Variants in CMIP observed in about 807,000 individuals in gnomAD.
CMIP encodes c-Maf inducing protein.
Under a neutral mutation model 97.3 loss-of-function variants are expected in CMIP, and 13 were observed. That is an observed-to-expected ratio of 0.13 (90% CI 0.09 to 0.21). The LOEUF (loss-of-function observed/expected upper bound fraction) is 0.21, where lower values mean the gene tolerates loss of function less well. Among genes scored for constraint, CMIP ranks in the 10% least tolerant of loss-of-function variants. CMIP has a pLI of 1.00. For missense variants in CMIP, 847 were observed against 1,024.9 expected, an observed-to-expected ratio of 0.83 and a Z score of 2.37; for synonymous variants, 538 against 436.3, an observed-to-expected ratio of 1.23 and a Z score of -2.91.
At chr16:81,631,878 G>T (rs540461711) in intron 3 of CMIP, 2 of 152,332 alleles carry the variant, frequency 1.3e-5, no homozygotes, top group East Asian at 3.9e-4. Flanking sequence ...TTGCAAAGTG[G>T]TTGCACCAGT....
At chr16:81,612,408 C>T (rs1186272064) in intron 2 of CMIP, among the ~76,000 whole-genome samples, 1 of 152,140 alleles carries the variant, frequency 6.6e-6, no homozygotes, top group African/African-American at 2.4e-5. Flanking sequence ...ACTGTTTACC[C>T]CAAACATTGG....
At chr16:81,604,388 C>T (rs1442226796) in intron 1 of CMIP, among the ~76,000 whole-genome samples, 1 of 125,526 alleles carries the variant, frequency 8.0e-6, no homozygotes, top group Admixed American at 8.9e-5. Context: ...AAGAGCAAAA[C>T]TCTGTCTCAA....
chr16:81,547,582 G>C (rs1475968466), intron 1 of CMIP, among the ~76,000 whole-genome samples: 3 of 151,852 alleles, frequency 2.0e-5, no homozygotes, highest in Non-Finnish European at 4.4e-5. Context: ...AGGCAAAAGC[G>C]AGGGTTTGCA....
At chr16:81,554,444 A>G (rs1176271763) in intron 1 of CMIP, among the ~76,000 whole-genome samples, 1 of 152,204 alleles carries the variant, frequency 6.6e-6, no homozygotes, top group Non-Finnish European at 1.5e-5. Flanking sequence ...CCTGGCAGAC[A>G]TCAATAATCA....
chr16:81,532,978 G>A (rs1395867960), intron 1 of CMIP, among the ~76,000 whole-genome samples: 2 of 152,092 alleles, frequency 1.3e-5, no homozygotes, highest in African/African-American at 4.8e-5. Flanking sequence ...CTCTGCCTGG[G>A]ATGCCTGTTG....
intron 20 of CMIP, among the ~76,000 whole-genome samples, chr16:81,708,478 G>A (rs1455331889): frequency 6.6e-6 from 1 of 152,244 alleles, no homozygotes; most frequent in Non-Finnish European, 1.5e-5. Context: ...GGGGAGTGCA[G>A]GAAAGGCCCC....
intron 3 of CMIP, among the ~76,000 whole-genome samples, chr16:81,629,756 C>A (rs981873093): frequency 6.6e-6 from 1 of 152,234 alleles, no homozygotes; most frequent in Admixed American, 6.5e-5. Flanking sequence ...TGCCACAGCG[C>A]CCAAGGGAGG....
At chr16:81,707,355 C>T (rs1401934448) in intron 20 of CMIP, among the ~76,000 whole-genome samples, 1 of 152,160 alleles carries the variant, frequency 6.6e-6, no homozygotes, top group Non-Finnish European at 1.5e-5. Flanking sequence ...CATAAGAAGC[C>T]AGAAATACCA....
rs2091874319 is a variant in CMIP, at chr16:81,614,089, G to A, written c.426+6397G>A. Among the ~76,000 whole-genome samples, 1 of 152,302 alleles carries A rather than the reference G, an allele frequency of 6.6e-6. No individual in the cohort carries two copies. The highest frequency in any genetic ancestry group is 2.1e-4 in the South Asian group (1 of 4,824). ...TTTGGTTGGGGATGGGGAGGGGAAG[G>A]CACCATCAAGACAGTCATTCTGGAG... is the stretch of plus-strand genomic sequence containing the variant. On this transcript the variant is annotated intron_variant, in intron 2 of 20. Coordinates refer to ENST00000537098, the MANE Select transcript of CMIP (RefSeq NM_198390.3). This position sits in a 1 kb window ranked among gnomAD's most constrained non-coding sequence, Gnocchi z 5.3.
At chr16:81,608,787 C>G (rs2091784709) in intron 2 of CMIP, among the ~76,000 whole-genome samples, 1 of 152,200 alleles carries the variant, frequency 6.6e-6, no homozygotes, top group Non-Finnish European at 1.5e-5. Flanking sequence ...GTCTGAAACC[C>G]CTCATCTAGA....
chr16:81,541,562 C>T (rs1434295503), intron 1 of CMIP, among the ~76,000 whole-genome samples: 1 of 152,200 alleles, frequency 6.6e-6, no homozygotes, highest in Non-Finnish European at 1.5e-5. Flanking sequence ...AGAGGTGTTA[C>T]TGGATTTACA....
chr16:81,458,221 G>A (rs1473487399), intron 1 of CMIP, among the ~76,000 whole-genome samples: 1 of 152,146 alleles, frequency 6.6e-6, no homozygotes, highest in Non-Finnish European at 1.5e-5. Flanking sequence ...TTTGACCCCA[G>A]ACCCATCCAC....
At chr16:81,611,416 C>G (rs908268021) in intron 2 of CMIP, 1 of 152,328 alleles carries the variant, frequency 6.6e-6, no homozygotes, top group Non-Finnish European at 1.5e-5. Flanking sequence ...TCTCTACAGA[C>G]AAGGGGAATG....
In CMIP at chr16:81,693,470, G is replaced by A. The variant is rs199973612; in HGVS notation, c.1513G>A (p.Glu505Lys). Residue 505 changes from glutamate to lysine, a missense_variant, in exon 13 of 21, where the codon GAA (glutamate) becomes AAA (lysine). Physicochemically the swap from Glu to Lys is moderately conservative, Grantham distance 56 (BLOSUM62 1). Coordinates refer to ENST00000537098, the MANE Select transcript of CMIP (RefSeq NM_198390.3). The part of the protein sequence containing the change: ...ELKYVIQRFA[E>K]DPRQEVHSCL... ...GAAGTACGTGATTCAGAGGTTCGCC[G>A]AAGACCCCAGGCAAGAGGTGAGGCC... The A allele has an allele frequency of 1.6e-4, 260 of 1,612,500 alleles. No individual in the cohort carries two copies. The highest frequency in any genetic ancestry group is 2.0e-4 in the Non-Finnish European group (234 of 1,179,376).
intron 14 of CMIP, 124 bp from the exon 15 acceptor site, chr16:81,699,561 C>G: frequency 4.7e-6 from 3 of 637,186 alleles, no homozygotes; most frequent in Non-Finnish European, 8.7e-6. Context: ...TCCTAGAACA[C>G]CTGGCTGTCT....
In CMIP at chr16:81,627,634, T is replaced by C. The variant is rs139220839; in HGVS notation, c.477+6708T>C. ...AGTGTCCCCTGTGTCCAGCACTATG[T>C]GCCCCTGTGCTCCTGAGTCCGGAAA... is the stretch of plus-strand genomic sequence containing the variant. On this transcript the variant is annotated intron_variant, in intron 3 of 20. Coordinates refer to ENST00000537098, the MANE Select transcript of CMIP (RefSeq NM_198390.3). This position sits in a 1 kb window ranked among gnomAD's most constrained non-coding sequence, Gnocchi z 4.6. 4.7e-3 allele frequency among the ~76,000 whole-genome samples: 453 copies of C among 95,868 alleles called. No homozygotes were observed. Among genetic ancestry groups the C allele is most frequent in the Non-Finnish European group, 9.6e-3 (366 of 38,002 alleles). 62.9% of individuals were successfully genotyped at this position (95,868 alleles called of 152,430 possible).
At chr16:81,450,436 A>G (rs1341202757) in intron 1 of CMIP, among the ~76,000 whole-genome samples, 1 of 152,040 alleles carries the variant, frequency 6.6e-6, no homozygotes, top group Non-Finnish European at 1.5e-5. Context: ...TTTTTCCTCC[A>G]TCCTTAGGGA....
intron 1 of CMIP, among the ~76,000 whole-genome samples, chr16:81,549,311 C>A (rs1206883337): frequency 6.6e-6 from 1 of 152,196 alleles, no homozygotes; most frequent in Non-Finnish European, 1.5e-5. Flanking sequence ...TTCGATAGAA[C>A]CTTACCCTGG....
intron 1 of CMIP, among the ~76,000 whole-genome samples, chr16:81,468,190 G>T (rs1448019653): frequency 6.6e-5 from 10 of 152,208 alleles, no homozygotes; most frequent in Non-Finnish European, 1.3e-4. Flanking sequence ...CTGGGCAGGG[G>T]CCAGAGGGCT....
Sources: gnomAD v4.1 joint callset for allele counts (sites outside exome capture counted in the v4.1 genomes callset) on GRCh38, gnomAD v4.1.1 for gene constraint, Gnocchi (gnomAD v3.1) non-coding constraint, MANE v1.5 for transcripts, NCBI Gene and HGNC (gene_info 2026-07-23, HGNC 2026-07-21) for gene names.